The following COL26A1 variants were observed in gnomAD, a reference collection of about 807,000 sequenced individuals.
COL26A1 encodes collagen type XXVI alpha 1 chain, also known as collagen alpha-1(XXVI) chain.
Under a neutral mutation model 59.3 loss-of-function variants are expected in COL26A1, and 41 were observed. The observed-to-expected ratio is 0.69, with a 90% CI of 0.54 to 0.90. The LOEUF (loss-of-function observed/expected upper bound fraction) is 0.90. COL26A1 is among the 40% of genes least tolerant of loss of function. The pLI is 0.00. For missense variants in COL26A1, 612 were observed against 602.3 expected (o/e 1.02, Z -0.17); for synonymous variants, 266 against 256.0 (o/e 1.04, Z -0.37).
At chr7:101,475,831 TC>T (rs1794025119) in intron 3 of COL26A1, among the ~76,000 whole-genome samples, 1 of 149,898 alleles carries the variant, frequency 6.7e-6, no homozygotes, top group Non-Finnish European at 1.5e-5. Flanking sequence ...TCTCTCTTTC[TC>T]TCTCTCTCTT....
At chr7:101,420,611 C>T (rs931001046) in intron 2 of COL26A1, among the ~76,000 whole-genome samples, 1 of 151,270 alleles carries the variant, frequency 6.6e-6, no homozygotes, top group African/African-American at 2.4e-5. Context: ...AGCCCTGACC[C>T]TCATGAGCCC....
At position 101,396,494 on chromosome 7, in the gene COL26A1, G is replaced by C. The variant is rs189480259; in HGVS notation, c.159-23483G>C. ...TCTTTTTTTTTTGAGATGGAGTCTT[G>C]CTATGTTGCCCAGGCTGGAGTGCAG... On this transcript the variant is annotated intron_variant, in intron 1 of 12. Coordinates refer to ENST00000313669, the MANE Select transcript of COL26A1 (RefSeq NM_001278563.3). 7.5e-3 allele frequency among the ~76,000 whole-genome samples: 1,144 copies of C among 151,632 alleles called. 6 individuals are homozygous for C. Among genetic ancestry groups the C allele is most frequent in the Non-Finnish European group, 0.012 (820 of 67,918 alleles).
chr7:101,389,708 C>T (rs1791680915), intron 1 of COL26A1, among the ~76,000 whole-genome samples: 1 of 152,126 alleles, frequency 6.6e-6, no homozygotes, highest in Admixed American at 6.6e-5. Flanking sequence ...CATGCGCCAC[C>T]ATGCCCAGCT....
intron 1 of COL26A1, among the ~76,000 whole-genome samples, chr7:101,406,726 CTT>C (rs1792137222): frequency 6.6e-6 from 1 of 152,154 alleles, no homozygotes; most frequent in South Asian, 2.1e-4. Flanking sequence ...GGAAGAATCT[CTT>C]GAGCCCAGGA....
chr7:101,467,066 C>T (rs1025112634), intron 3 of COL26A1, among the ~76,000 whole-genome samples: 2 of 151,868 alleles, frequency 1.3e-5, no homozygotes, highest in Non-Finnish European at 2.9e-5. Context: ...AACCAAATTC[C>T]CCTTGGAGGG....
chr7:101,469,059 C>T (rs1017789822), intron 3 of COL26A1, among the ~76,000 whole-genome samples: 5 of 152,174 alleles, frequency 3.3e-5, no homozygotes, highest in African/African-American at 4.8e-5. Flanking sequence ...TCTGGCAGAG[C>T]GCATCAGCAG....
intron 2 of COL26A1, among the ~76,000 whole-genome samples, chr7:101,435,905 C>T (rs1251355128): frequency 1.3e-5 from 2 of 152,324 alleles, no homozygotes; most frequent in South Asian, 2.1e-4. Context: ...GCCCCCTGCC[C>T]GCCAGCCTCC....
intron 1 of COL26A1, among the ~76,000 whole-genome samples, chr7:101,418,380 C>T (rs1183926178): frequency 6.6e-6 from 1 of 152,166 alleles, no homozygotes; most frequent in Non-Finnish European, 1.5e-5. Context: ...AATGTGGGCC[C>T]ATCTACTTTC....
intron 5 of COL26A1, among the ~76,000 whole-genome samples, chr7:101,540,708 G>A (rs2130656146): frequency 6.6e-6 from 1 of 151,944 alleles, no homozygotes; most frequent in South Asian, 2.1e-4. Flanking sequence ...ACAAAAATTA[G>A]CCCAGCATGA....
At position 101,366,242 on chromosome 7, in the gene COL26A1, TG is replaced by T. The variant is rs201410107; in HGVS notation, c.158+3055del. ...GGTGAGTTACAGGCTGGAGCTGGCT[TG>T]GGCGTCACATGTTTCTGTGTCTCAT... On this transcript the variant is annotated intron_variant, in intron 1 of 12. Transcript: ENST00000313669. Among the ~76,000 whole-genome samples the T allele has an allele frequency of 9.1e-3, 1,380 of 152,286 alleles. 22 individuals carry two copies. The highest frequency in any genetic ancestry group is 0.031 in the African/African-American group (1,296 of 41,568).
chr7:101,376,284 G>A (rs1196422424), intron 1 of COL26A1, among the ~76,000 whole-genome samples: 1 of 152,114 alleles, frequency 6.6e-6, no homozygotes, highest in Non-Finnish European at 1.5e-5. Flanking sequence ...TCCAGTGTGG[G>A]TGACAGAGTG....
intron 1 of COL26A1, among the ~76,000 whole-genome samples, chr7:101,412,134 A>C (rs10272599): frequency 0.1 from 15,628 of 152,026 alleles, 1,202 homozygotes; most frequent in African/African-American, 0.22. Context: ...CCAGGGGCAG[A>C]GCTTGGACAC....
intron 1 of COL26A1, among the ~76,000 whole-genome samples, chr7:101,401,503 A>G (rs1791994213): frequency 6.7e-6 from 1 of 149,770 alleles, no homozygotes; most frequent in African/African-American, 2.5e-5. Flanking sequence ...AGAAGAAGGA[A>G]GAGGAGGGGG....
rs561310763 is a variant in COL26A1, at chr7:101,489,631, T to G, written c.385+41844T>G. 1.6e-4 allele frequency among the ~76,000 whole-genome samples: 10 copies of G among 63,976 alleles called. No homozygotes were observed. In the East Asian group the frequency reaches 1.6e-3, roughly 10 times the overall value. 42.0% of individuals were successfully genotyped at this position (63,976 alleles called of 152,430 possible). ...TTTCTTTCTTTCTTTCTTTCTTTCT[T>G]TCTTTCTTTCTTTCTTTCTTTCTTT... On this transcript the variant is annotated intron_variant, in intron 3 of 12. Coordinates refer to ENST00000313669, the MANE Select transcript of COL26A1 (RefSeq NM_001278563.3).
chr7:101,499,196 C>A (rs1794650540), intron 3 of COL26A1, among the ~76,000 whole-genome samples: 1 of 152,118 alleles, frequency 6.6e-6, no homozygotes, highest in Admixed American at 6.6e-5. Flanking sequence ...CAGCCTCGAC[C>A]TTCTGCATCC....
At chr7:101,510,370 C>T (rs1005754153) in intron 3 of COL26A1, among the ~76,000 whole-genome samples, 1 of 152,054 alleles carries the variant, frequency 6.6e-6, no homozygotes, top group Non-Finnish European at 1.5e-5. Context: ...CATGAAATCG[C>T]CCTCCCTGAA....
chr7:101,459,767 T>C (rs2130421959), intron 3 of COL26A1, among the ~76,000 whole-genome samples: 1 of 152,248 alleles, frequency 6.6e-6, no homozygotes, highest in African/African-American at 2.4e-5. Flanking sequence ...GTATTCCAGC[T>C]GGAAATGAAT....
chr7:101,400,640 C>T (rs897840870), intron 1 of COL26A1, among the ~76,000 whole-genome samples: 2 of 152,122 alleles, frequency 1.3e-5, no homozygotes, highest in Non-Finnish European at 2.9e-5. Context: ...CTCACTGCAA[C>T]CTCTGCCTCC....
intron 1 of COL26A1, among the ~76,000 whole-genome samples, chr7:101,409,417 G>C (rs952814722): frequency 6.6e-6 from 1 of 152,192 alleles, no homozygotes; most frequent in Admixed American, 6.5e-5. Context: ...GTGACTTGTG[G>C]TCTTCTCTGG....
Sources: allele counts gnomAD v4.1 joint callset (sites outside exome capture counted in the v4.1 genomes callset), GRCh38; gene constraint gnomAD v4.1.1; transcripts MANE v1.5; gene names NCBI Gene and HGNC (gene_info 2026-07-23, HGNC 2026-07-21).